RNF10: variants seen among roughly 807,000 people sequenced by gnomAD.
RNF10 encodes ring finger protein 10.
Under a neutral mutation model 91.4 loss-of-function variants are expected in RNF10, and 38 were observed. The ratio of observed to expected loss-of-function variants is 0.42; its 90% CI spans 0.32 to 0.54. RNF10 has a LOEUF of 0.54. Ranked by LOEUF, RNF10 falls within the 20% of genes least tolerant of loss-of-function variation. The pLI is 0.16. For missense variants in RNF10, 945 were observed against 1,012.0 expected (o/e 0.93, Z 0.90); for synonymous variants, 364 against 366.3 (o/e 0.99, Z 0.07).
intron 10 of RNF10, among the ~76,000 whole-genome samples, chr12:120,564,323 T>G (rs1298260652): frequency 2.0e-5 from 3 of 152,178 alleles, no homozygotes; most frequent in Admixed American, 6.5e-5. Flanking sequence ...ATCAAACATA[T>G]GCAGAAAAAG....
Position 120,565,094 on chromosome 12 carries a change from ATCTC to A in RNF10, c.1693_1696del (p.Ser565ThrfsTer25). On this transcript the variant is annotated frameshift_variant, in exon 11 of 17. Transcript: ENST00000325954. LOFTEE classifies it high-confidence loss of function. ...TAGGATGTTCGACAGCGTCACAGAT[ATCTC>A]TCTCACTTGCCACTCACCTGTGAGT... 1 of 1,613,708 alleles carries A rather than the reference ATCTC, an allele frequency of 6.2e-7. No individual in the cohort carries two copies. Among genetic ancestry groups the A allele is most frequent in the Non-Finnish European group, 8.5e-7 (1 of 1,179,630 alleles).
intron 1 of RNF10, chr12:120,539,580 C>T (rs1871273301): frequency 4.6e-6 from 2 of 435,906 alleles, no homozygotes; most frequent in Admixed American, 3.0e-5. Context: ...AATGAAGATG[C>T]CAAGTAATTT....
At chr12:120,572,916 T>TTA (rs1876869237) in intron 14 of RNF10, among the ~76,000 whole-genome samples, 1 of 151,158 alleles carries the variant, frequency 6.6e-6, no homozygotes. Flanking sequence ...TTTTTTTTTT[T>TTA]TTTTTAAACT....
At chr12:120,539,268 G>A (rs557930333) in intron 1 of RNF10, 50 of 512,888 alleles carry the variant, frequency 9.7e-5, no homozygotes, top group South Asian at 4.0e-4. Context: ...AGTCCTAGGC[G>A]GTATTTTTCA....
chr12:120,547,562 G>A (rs1005879685), intron 2 of RNF10, among the ~76,000 whole-genome samples: 2 of 152,176 alleles, frequency 1.3e-5, no homozygotes, highest in Admixed American at 6.6e-5. Flanking sequence ...CCAAAGTGCT[G>A]GGATTACAGG....
Position 120,575,869 on chromosome 12 carries a change from A to T in RNF10, c.2278A>T (p.Ser760Cys), listed in dbSNP as rs1565976170. Residue 760 changes from serine to cysteine, a missense_variant, in exon 16 of 17, where the codon AGT becomes TGT. Coordinates refer to ENST00000325954, the MANE Select transcript of RNF10 (RefSeq NM_014868.5). ...TAATTCAGACCGTGTTCCTGTGCCCAGTTTTCAAAATTCCTTCAGCCAAGC... is the reference window on the plus strand; with the variant it reads ...TAATTCAGACCGTGTTCCTGTGCCCTGTTTTCAAAATTCCTTCAGCCAAGC... Reference protein sequence around the residue: ...SDNSDRVPVPSFQNSFSQAIE... With the variant: ...SDNSDRVPVPCFQNSFSQAIE... 1 of 1,614,170 alleles carries T rather than the reference A, an allele frequency of 6.2e-7. No homozygotes were observed. Among genetic ancestry groups the T allele is most frequent in the Non-Finnish European group, 8.5e-7 (1 of 1,180,030 alleles).
Position 120,546,583 on chromosome 12 carries a change from T to C in RNF10, c.336T>C (p.Asn112=). 1 of 1,613,452 alleles carries C rather than the reference T, an allele frequency of 6.2e-7. No individual in the cohort carries two copies. The highest frequency in any genetic ancestry group is 1.1e-5 in the South Asian group (1 of 91,046). The change falls in exon 2 of 17, where the codon AAT becomes AAC. Residue 112 remains asparagine, a synonymous_variant. Coordinates refer to ENST00000325954, the MANE Select transcript of RNF10 (RefSeq NM_014868.5). ...GCAAACTCTTTAGCTCTTCTTTTAA[T>C]GGTGGAAGACGAGATGAGGTATGGA... ...GSSKLFSSSF[N]GGRRDEVAEA...
intron 13 of RNF10, 137 bp from the exon 14 acceptor site, chr12:120,571,054 G>A (rs1876542726): frequency 1.6e-6 from 1 of 613,300 alleles, no homozygotes; most frequent in Non-Finnish European, 2.9e-6. Context: ...GTTGAAAGTT[G>A]GATCAATGTT....
At position 120,534,695 on chromosome 12, in the gene RNF10, C is replaced by T. The variant is rs1038693873; in HGVS notation, c.-117C>T. ...AGGAAGGAAACAGGGAAAAATGTCG[C>T]CATGAAGGCCGAGAACCGCTGCCGC... is the stretch of plus-strand genomic sequence containing the variant. On this transcript the variant is annotated 5_prime_UTR_variant, in exon 1 of 17. Coordinates refer to ENST00000325954, the MANE Select transcript of RNF10 (RefSeq NM_014868.5). 4 of 1,390,084 alleles carry T rather than the reference C, an allele frequency of 2.9e-6. No individual in the cohort carries two copies. The South Asian group carries it at 6.5e-5, about 22-fold the overall frequency. The allele number at this position is 1,390,084 out of a possible 1,614,324, so 86.1% of individuals were successfully genotyped here.
chr12:120,537,267 C>A (rs1432136865), intron 1 of RNF10, among the ~76,000 whole-genome samples: 1 of 151,848 alleles, frequency 6.6e-6, no homozygotes, highest in African/African-American at 2.4e-5. Context: ...GAGCCACGAT[C>A]ACTCCACTGC....
intron 13 of RNF10, among the ~76,000 whole-genome samples, chr12:120,569,917 G>A (rs1300095030): frequency 1.3e-5 from 2 of 152,186 alleles, no homozygotes; most frequent in African/African-American, 4.8e-5. Context: ...TTTGGATGGA[G>A]TCTGTCTCTC....
At chr12:120,552,068 A>G (rs1369121683) in intron 2 of RNF10, among the ~76,000 whole-genome samples, 5 of 137,098 alleles carry the variant, frequency 3.6e-5, no homozygotes, top group Admixed American at 2.3e-4. Context: ...TGGGTGACAG[A>G]GTGAGACTCT....
chr12:120,563,811 G>C lies in RNF10; in HGVS notation c.1533G>C (p.Ala511=), dbSNP rs762235020. Residue 511 remains alanine, a splice_region_variant and synonymous_variant, in exon 10 of 17, where the codon GCG becomes GCC. Coordinates refer to ENST00000325954, the MANE Select transcript of RNF10 (RefSeq NM_014868.5). ...TGTGATAGAGCCCCTTGTCCTCAGC[G>C]GAAGATGGACAGCATATGTTCCTGC... ...SSSPCYYFYQ[A]EDGQHMFLHP... The C allele has an allele frequency of 6.2e-7, 1 of 1,614,052 alleles. No homozygotes were observed. The highest frequency in any genetic ancestry group is 1.1e-5 in the South Asian group (1 of 91,072).
chr12:120,542,519 G>A (rs1424368964), intron 1 of RNF10, among the ~76,000 whole-genome samples: 1 of 152,042 alleles, frequency 6.6e-6, no homozygotes, highest in Non-Finnish European at 1.5e-5. Context: ...GCTAACTGAA[G>A]TAATAGGTAA....
At chr12:120,561,897 T>C (rs1002983781) in intron 7 of RNF10, among the ~76,000 whole-genome samples, 8 of 152,232 alleles carry the variant, frequency 5.3e-5, no homozygotes, top group Non-Finnish European at 1.0e-4. Flanking sequence ...CCTACTACTC[T>C]GGACCTCTGT....
chr12:120,572,467 C>T (rs1876791093), intron 14 of RNF10, among the ~76,000 whole-genome samples: 1 of 151,962 alleles, frequency 6.6e-6, no homozygotes, highest in African/African-American at 2.4e-5. Context: ...AGGAGGGTTC[C>T]GAAGTCAAGG....
chr12:120,547,065 G>A (rs565733942), intron 2 of RNF10, among the ~76,000 whole-genome samples: 1 of 152,146 alleles, frequency 6.6e-6, no homozygotes, highest in East Asian at 1.9e-4. Flanking sequence ...TTGTAGTTGC[G>A]AAATTGGGAA....
intron 2 of RNF10, among the ~76,000 whole-genome samples, chr12:120,547,573 C>T (rs572482107): frequency 2.6e-5 from 4 of 152,250 alleles, no homozygotes; most frequent in East Asian, 3.9e-4. Context: ...GGATTACAGG[C>T]ATGAGCCACC....
chr12:120,569,608 G>A lies in RNF10; in HGVS notation c.2042-1583G>A, dbSNP rs543822200. On this transcript the variant is annotated intron_variant, in intron 13 of 16. Coordinates refer to ENST00000325954, the MANE Select transcript of RNF10 (RefSeq NM_014868.5). ...GTGCAGTGGCACAAGGCACAATCTC[G>A]GCTCACTGCAACCTCTGCGTCCCAG... Among the ~76,000 whole-genome samples the A allele has an allele frequency of 6.6e-5, 9 of 135,870 alleles. No homozygotes were observed. In the East Asian group the frequency reaches 6.8e-4, roughly 10 times the overall value. The allele number at this position is 135,870 out of a possible 152,430, so 89.1% of individuals were successfully genotyped here.
Sources: allele counts gnomAD v4.1 joint callset (sites outside exome capture counted in the v4.1 genomes callset), GRCh38; gene constraint gnomAD v4.1.1; transcripts MANE v1.5; gene names NCBI Gene and HGNC (gene_info 2026-07-23, HGNC 2026-07-21).